The following CCDC192 variants were observed in gnomAD, a reference collection of about 807,000 sequenced individuals.
CCDC192 encodes the protein coiled-coil domain-containing protein 192.
At chr5:127,704,185 T>TTTTG (rs565050272) in intron 1 of CCDC192, among the ~76,000 whole-genome samples, 200 of 152,156 alleles carry the variant, frequency 1.3e-3, no homozygotes, top group African/African-American at 4.6e-3. Context: ...TTTTTAAAGT[T>TTTTG]TTTGTTTGTT....
chr5:127,739,395 C>A (rs1441919013), intron 2 of CCDC192: 6 of 152,274 alleles, frequency 3.9e-5, no homozygotes, highest in African/African-American at 1.2e-4. Flanking sequence ...TTGTCTGTGC[C>A]CTGCCCCCAG....
intron 6 of CCDC192, among the ~76,000 whole-genome samples, chr5:127,932,283 C>T (rs10071108): frequency 0.06 from 9,184 of 151,990 alleles, 578 homozygotes; most frequent in East Asian, 0.27. Context: ...TGGCTCACTG[C>T]AACCTCTGCC....
chr5:127,878,296 A>G (rs1029740647), intron 6 of CCDC192, among the ~76,000 whole-genome samples: 1 of 152,204 alleles, frequency 6.6e-6, no homozygotes. Flanking sequence ...ATATGAACCA[A>G]TCTTTGTGGC....
intron 3 of CCDC192, among the ~76,000 whole-genome samples, chr5:127,781,418 G>A (rs1247790898): frequency 6.6e-6 from 1 of 152,062 alleles, no homozygotes; most frequent in East Asian, 1.9e-4. Context: ...GATTGCTTTT[G>A]GCAATATGGT....
At chr5:127,885,958 AAAG>A (rs1752545024) in intron 6 of CCDC192, among the ~76,000 whole-genome samples, 1 of 152,344 alleles carries the variant, frequency 6.6e-6, no homozygotes, top group South Asian at 2.1e-4. Context: ...ATATGATTAA[AAAG>A]AAGAAATGTA....
chr5:127,751,339 G>A (rs1341701962), intron 2 of CCDC192, among the ~76,000 whole-genome samples: 1 of 149,522 alleles, frequency 6.7e-6, no homozygotes. Context: ...GCATTTGCTT[G>A]TCTGTAAAGT....
chr5:127,732,983 A>G (rs1322776074), intron 2 of CCDC192, among the ~76,000 whole-genome samples: 1 of 152,182 alleles, frequency 6.6e-6, no homozygotes, highest in Non-Finnish European at 1.5e-5. Context: ...CATCCTACAC[A>G]TGTACCCTGG....
intron 2 of CCDC192, among the ~76,000 whole-genome samples, chr5:127,732,898 C>G (rs906566928): frequency 6.6e-6 from 1 of 151,574 alleles, no homozygotes; most frequent in African/African-American, 2.4e-5. Context: ...GCATGTGGGG[C>G]TTAATACCGA....
At chr5:127,868,566 T>G (rs1384496917) in intron 5 of CCDC192, among the ~76,000 whole-genome samples, 1 of 152,166 alleles carries the variant, frequency 6.6e-6, no homozygotes, top group Non-Finnish European at 1.5e-5. Context: ...TGCTTTCCCT[T>G]GCTTTAAAAT....
chr5:127,857,555 C>A (rs1036217378), intron 5 of CCDC192: 1 of 152,074 alleles, frequency 6.6e-6, no homozygotes, highest in African/African-American at 2.4e-5. Flanking sequence ...GATATACATA[C>A]GTACATATTT....
rs1347169040 is a variant in CCDC192 at position 127,705,813 on chromosome 5, G to A, written c.63-1896G>A. 2.6e-5 allele frequency among the ~76,000 whole-genome samples: 4 copies of A among 152,132 alleles called. No homozygotes were observed. The South Asian group carries it at 6.2e-4, about 24-fold the overall frequency. On this transcript the variant is annotated intron_variant, in intron 1 of 6. Coordinates refer to ENST00000514853, the MANE Select transcript of CCDC192 (RefSeq NM_001317938.2). ...GCTGTACAGTTGAGGGAAAACATCC[G>A]TTTTGTGAGTTTCACTGATAGAAGA...
chr5:127,902,644 C>G (rs538079930), intron 6 of CCDC192, among the ~76,000 whole-genome samples: 9 of 152,316 alleles, frequency 5.9e-5, no homozygotes, highest in African/African-American at 2.2e-4. Flanking sequence ...CAACAACTTG[C>G]ATGACTATAA....
At chr5:127,916,416 G>A (rs2409035) in intron 6 of CCDC192, among the ~76,000 whole-genome samples, 5,737 of 152,204 alleles carry the variant, frequency 0.038, 405 homozygotes, top group East Asian at 0.3. Context: ...TGTTCTTTAC[G>A]GCATCTGGAA....
At chr5:127,925,288 G>A (rs561384725) in intron 6 of CCDC192, among the ~76,000 whole-genome samples, 1 of 128,374 alleles carries the variant, frequency 7.8e-6, no homozygotes, top group African/African-American at 3.8e-5. Flanking sequence ...AATCTTGTTT[G>A]AGTCCCCTCT....
chr5:127,786,021 C>CTG (rs1449266752), intron 3 of CCDC192: 1 of 606,740 alleles, frequency 1.6e-6, no homozygotes, highest in Non-Finnish European at 3.1e-6. Flanking sequence ...GATTATGAAT[C>CTG]TGTGTCTCCA....
chr5:127,932,921 A>T (rs905445229), intron 6 of CCDC192, among the ~76,000 whole-genome samples: 1 of 152,188 alleles, frequency 6.6e-6, no homozygotes, highest in African/African-American at 2.4e-5. Context: ...AATTGTAGGT[A>T]AGATGGCCAG....
intron 6 of CCDC192, among the ~76,000 whole-genome samples, chr5:127,932,501 G>A (rs1013718694): frequency 1.3e-5 from 2 of 152,102 alleles, no homozygotes; most frequent in South Asian, 2.1e-4. Context: ...ACCATGCCCG[G>A]CCACCAGTTT....
intron 3 of CCDC192, among the ~76,000 whole-genome samples, chr5:127,773,492 T>G (rs2126916097): frequency 6.6e-6 from 1 of 152,344 alleles, no homozygotes; most frequent in East Asian, 1.9e-4. Context: ...TTTATGGATT[T>G]ATTTATTCTG....
intron 1 of CCDC192, among the ~76,000 whole-genome samples, chr5:127,705,458 C>CT (rs1396440249): frequency 1.3e-5 from 2 of 152,114 alleles, no homozygotes; most frequent in Non-Finnish European, 2.9e-5. Context: ...CTGAATATGA[C>CT]TTTTTTGCCC....
Sources: allele counts gnomAD v4.1 joint callset (sites outside exome capture counted in the v4.1 genomes callset), GRCh38; gene constraint gnomAD v4.1.1; transcripts MANE v1.5; gene names NCBI Gene and HGNC (gene_info 2026-07-23, HGNC 2026-07-21).